The following HDLBP variants were observed in gnomAD, a reference collection of about 807,000 sequenced individuals.
HDLBP encodes the protein high density lipoprotein binding protein.
Under a neutral mutation model 137.3 loss-of-function variants are expected in HDLBP, and 30 were observed. The ratio of observed to expected loss-of-function variants is 0.22; its 90% CI spans 0.16 to 0.30. HDLBP has a LOEUF of 0.30. Ranked by LOEUF, HDLBP falls within the 10% of genes least tolerant of loss-of-function variation. The probability of loss-of-function intolerance (pLI) is 1.00; values close to 1 mark genes in which losing one functional copy is unlikely to be tolerated. For synonymous variants in HDLBP, 606 were observed against 596.0 expected (o/e 1.02, Z -0.24); for missense variants, 1,119 against 1,667.3 (o/e 0.67, Z 5.73).
intron 20 of HDLBP, among the ~76,000 whole-genome samples, chr2:241,237,954 G>C (rs2070761731): frequency 6.6e-6 from 1 of 152,350 alleles, no homozygotes; most frequent in East Asian, 1.9e-4. Context: ...TGGATGCCCA[G>C]AGAGATGACA....
rs551614936 is a variant in HDLBP at position 241,233,045 on chromosome 2, G to A, written c.3288+775C>T. 6.6e-6 allele frequency among the ~76,000 whole-genome samples: 1 copy of A among 152,216 alleles called. No individual in the cohort carries two copies. Among genetic ancestry groups the A allele is most frequent in the African/African-American group, 2.4e-5 (1 of 41,528 alleles). On this transcript the variant is annotated intron_variant, in intron 24 of 27. Coordinates refer to ENST00000310931, the MANE Select transcript of HDLBP (RefSeq NM_005336.6). The surrounding 1 kb of genome is among the most constrained non-coding windows in gnomAD (Gnocchi z 4.3). ...TGGGCGGCACATCCACAGTGGGAGC[G>A]AGGGGCGTGGAGGGGCTCTGCTGCC...
intron 1 of HDLBP, among the ~76,000 whole-genome samples, chr2:241,281,427 G>A (rs1479627558): frequency 1.3e-5 from 2 of 152,184 alleles, no homozygotes; most frequent in African/African-American, 4.8e-5. Flanking sequence ...AGGCTGAGGT[G>A]GGAGAATTGC....
rs2071998833 is a variant in HDLBP at position 241,249,997 on chromosome 2, G to A, written c.1373-17C>T. ...TTCTGTTTACTTAGGAACACAAAAG[G>A]AAACACATTTAGGACACAGACCAAC... On this transcript the variant is annotated splice_polypyrimidine_tract_variant and intron_variant, in intron 11 of 27. Coordinates refer to ENST00000310931, the MANE Select transcript of HDLBP (RefSeq NM_005336.6). The A allele has an allele frequency of 6.3e-7, 1 of 1,594,110 alleles. No homozygotes were observed. Among genetic ancestry groups the A allele is most frequent in the East Asian group, 2.2e-5 (1 of 44,716 alleles).
At chr2:241,267,652 G>C in intron 2 of HDLBP, 1 of 1,535,698 alleles carries the variant, frequency 6.5e-7, no homozygotes, top group Non-Finnish European at 8.7e-7. Context: ...GGTGCATCCA[G>C]GCCCCAAACT....
At chr2:241,271,403 C>T (rs1387763862) in intron 1 of HDLBP, among the ~76,000 whole-genome samples, 1 of 152,218 alleles carries the variant, frequency 6.6e-6, no homozygotes, top group Admixed American at 6.5e-5. Context: ...GACCCCTTTC[C>T]GCCCTAATAC....
chr2:241,306,195 T>C (rs2075567892), intron 1 of HDLBP, among the ~76,000 whole-genome samples: 1 of 151,764 alleles, frequency 6.6e-6, no homozygotes, highest in South Asian at 2.1e-4. Context: ...TCTGATAAAC[T>C]GAGTTACCCA....
chr2:241,266,786 G>A lies in HDLBP; in HGVS notation c.76+8C>T. The A allele has an allele frequency of 6.4e-7, 1 of 1,560,498 alleles. No individual in the cohort carries two copies. Among genetic ancestry groups the A allele is most frequent in the South Asian group, 1.1e-5 (1 of 90,078 alleles). On this transcript the variant is annotated splice_region_variant and intron_variant, in intron 3 of 27. Coordinates refer to ENST00000310931, the MANE Select transcript of HDLBP (RefSeq NM_005336.6). ...ATTACCAGGAAGAGCACATAAAAGG[G>A]CTGTCACCTTTGATTTGTTGCGGAA...
chr2:241,303,897 C>A (rs2075475953), intron 1 of HDLBP, among the ~76,000 whole-genome samples: 3 of 152,304 alleles, frequency 2.0e-5, no homozygotes, highest in East Asian at 3.9e-4. Context: ...CAGCCTCGAC[C>A]TCCTGGGCTC....
intron 1 of HDLBP, among the ~76,000 whole-genome samples, chr2:241,284,920 A>G (rs1186088858): frequency 6.6e-6 from 1 of 152,196 alleles, no homozygotes; most frequent in Non-Finnish European, 1.5e-5. Context: ...AGTTGCCCAG[A>G]CTGGAGTGCA....
At chr2:241,277,458 T>C (rs181007039) in intron 1 of HDLBP, among the ~76,000 whole-genome samples, 3 of 152,192 alleles carry the variant, frequency 2.0e-5, no homozygotes, top group Admixed American at 2.0e-4. Context: ...ACAGTATAAG[T>C]AGGCAATATT....
chr2:241,236,328 A>AC, intron 21 of HDLBP: 1 of 441,016 alleles, frequency 2.3e-6, no homozygotes, highest in Non-Finnish European at 4.1e-6. Context: ...TGCAGCTGAG[A>AC]CCCTTCCACA....
Position 241,283,734 on chromosome 2 carries a change from G to C in HDLBP, c.-102-15193C>G, listed in dbSNP as rs1245491150. Among the ~76,000 whole-genome samples the C allele has an allele frequency of 2.0e-5, 3 of 152,034 alleles. No individual in the cohort carries two copies. The East Asian group carries it at 5.8e-4, about 29-fold the overall frequency. ...CGTGATCCGCCCACCTCAGCCTCCC[G>C]AAGTGCTGGGATTACAGGCGTGAGC... On this transcript the variant is annotated intron_variant, in intron 1 of 27. Transcript: ENST00000310931.
chr2:241,245,187 CTTTTTT>C (rs72269646), intron 16 of HDLBP, among the ~76,000 whole-genome samples: 1 of 143,226 alleles, frequency 7.0e-6, no homozygotes, highest in Admixed American at 6.9e-5. Context: ...AATCTTTTTT[CTTTTTT>C]TTTTTTTTGA....
At position 241,255,462 on chromosome 2, in the gene HDLBP, A is replaced by G; in HGVS notation, c.992T>C (p.Ile331Thr). The change falls in exon 8 of 28, where the codon ATC (isoleucine) becomes ACC (threonine). Residue 331 changes from isoleucine to threonine, a missense_variant. This residue lies in a region of HDLBP where 425 missense variants were observed against 693.9 expected (regional missense o/e 0.61). Coordinates refer to ENST00000310931, the MANE Select transcript of HDLBP (RefSeq NM_005336.6). ...ILERTGVSVE[I>T]PPSDSISETV... ...CTCAGAGATGCTGTCTGAGGGTGGG[A>G]TCTCAACGGAAACTCCAGTTCTCTC... The G allele has an allele frequency of 6.2e-7, 1 of 1,614,120 alleles. No homozygotes were observed. Among genetic ancestry groups the G allele is most frequent in the Non-Finnish European group, 8.5e-7 (1 of 1,179,984 alleles).
At position 241,266,843 on chromosome 2, in the gene HDLBP, T is replaced by C. The variant is rs1196860685; in HGVS notation, c.27A>G (p.Gln9=). Residue 9 remains glutamine, a synonymous_variant, in exon 3 of 28, where the codon CAA becomes CAG. Transcript: ENST00000310931. ...CACTTCGGTGTTCAGCAAAACTCTC[T>C]TGGGTCAAAACTGCAACGGAACTCA... MSSVAVLT[Q]ESFAEHRSGL... is the part of the protein sequence containing the mutation. The C allele has an allele frequency of 2.5e-6, 4 of 1,614,074 alleles. No homozygotes were observed. Among genetic ancestry groups the C allele is most frequent in the Non-Finnish European group, 3.4e-6 (4 of 1,180,020 alleles).
chr2:241,273,259 G>C (rs1188674753), intron 1 of HDLBP: 4 of 983,394 alleles, frequency 4.1e-6, no homozygotes, highest in Non-Finnish European at 4.8e-6. Context: ...GCGGCTCCAG[G>C]GCTTTCATTC....
chr2:241,311,478 G>GA (rs1406388498), intron 1 of HDLBP, among the ~76,000 whole-genome samples: 1 of 152,214 alleles, frequency 6.6e-6, no homozygotes, highest in African/African-American at 2.4e-5. Context: ...AGGGAGTGAG[G>GA]AGAGTTACAG....
intron 12 of HDLBP, 123 bp from the exon 13 acceptor site, chr2:241,248,471 A>C (rs2071852750): frequency 2.6e-6 from 2 of 780,706 alleles, no homozygotes; most frequent in Non-Finnish European, 4.4e-6. Context: ...GGTGGTCTCC[A>C]GGTGGCACCT....
chr2:241,265,176 T>C (rs1050070433), intron 3 of HDLBP, among the ~76,000 whole-genome samples: 1 of 152,196 alleles, frequency 6.6e-6, no homozygotes. Flanking sequence ...CCCAGCACTT[T>C]GGGAGGCCGA....
Sources: allele counts gnomAD v4.1 joint callset (sites outside exome capture counted in the v4.1 genomes callset), GRCh38; gene constraint gnomAD v4.1.1; regional missense constraint gnomAD v4.1.1; non-coding constraint Gnocchi (gnomAD v3.1); transcripts MANE v1.5; gene names NCBI Gene and HGNC (gene_info 2026-07-23, HGNC 2026-07-21).